COL12A1: variants seen among roughly 807,000 people sequenced by gnomAD.
COL12A1 encodes collagen type XII alpha 1 chain.
COL12A1 carries 114 observed loss-of-function variants against 349.7 expected under a neutral mutation model. The observed-to-expected ratio is 0.33, with a 90% confidence interval of 0.28 to 0.38. The LOEUF (loss-of-function observed/expected upper bound fraction) is 0.38. Ranked by LOEUF, COL12A1 falls within the 10% of genes least tolerant of loss-of-function variation. COL12A1 has a pLI of 1.00. For synonymous variants in COL12A1, 1,369 were observed against 1,329.0 expected (o/e 1.03, Z -0.66); for missense variants, 3,284 against 3,756.9 (o/e 0.87, Z 3.29).
chr6:75,124,416 A>C (rs1008937762), intron 40 of COL12A1, 45 bp from the exon 41 acceptor site: 2 of 1,412,520 alleles, frequency 1.4e-6, no homozygotes, highest in African/African-American at 1.4e-5. Flanking sequence ...AAATTGAGGC[A>C]AAAAGTGTAC....
intron 2 of COL12A1, among the ~76,000 whole-genome samples, chr6:75,197,764 TAAAG>T (rs1439004912): frequency 6.6e-6 from 1 of 152,214 alleles, no homozygotes; most frequent in East Asian, 1.9e-4. Flanking sequence ...ATACTGACAG[TAAAG>T]AGACTAAAAT....
chr6:75,109,194 A>G (rs1159928536), intron 51 of COL12A1, 27 bp from the exon 52 acceptor site: 3 of 1,515,434 alleles, frequency 2.0e-6, no homozygotes, highest in Non-Finnish European at 2.7e-6. Flanking sequence ...TTTCCATTAT[A>G]AAATTTCTAC....
chr6:75,133,227 T>G, intron 34 of COL12A1, 66 bp downstream of exon 34: 1 of 1,416,040 alleles, frequency 7.1e-7, no homozygotes. Context: ...TAATGGGCCT[T>G]TATGGTCTTT....
intron 36 of COL12A1, 41 bp from the exon 37 acceptor site, chr6:75,130,274 G>T: frequency 6.2e-7 from 1 of 1,600,860 alleles, no homozygotes; most frequent in South Asian, 1.1e-5. Flanking sequence ...GCCTGCCTGT[G>T]AGCATTACCT....
Position 75,085,204 on chromosome 6 carries a change from C to T in COL12A1, c.*1343G>A, listed in dbSNP as rs1391463653. The T allele has an allele frequency of 2.1e-6, 1 of 467,836 alleles. No homozygotes were observed. The highest frequency in any genetic ancestry group is 1.6e-5 in the South Asian group (1 of 64,446). 29.0% of individuals were successfully genotyped at this position (467,836 alleles called of 1,614,324 possible). A position where few individuals can be genotyped will look rare whatever the true frequency, so the allele number is the denominator to read the frequency against. ...TGATCTCTGGTTCACTGCCCGGGTC[C>T]GTGGGGCAGGGCGCGCCGCCAGCGC... On this transcript the variant is annotated 3_prime_UTR_variant, in exon 66 of 66. Transcript: ENST00000322507.
intron 46 of COL12A1, 65 bp from the exon 47 acceptor site, chr6:75,117,611 G>C: frequency 6.6e-7 from 1 of 1,522,814 alleles, no homozygotes; most frequent in Non-Finnish European, 8.9e-7. Context: ...TTAGAACAAT[G>C]CAAAAAAATT....
intron 44 of COL12A1, 47 bp from the exon 45 acceptor site, chr6:75,119,520 A>T: frequency 6.4e-7 from 1 of 1,558,040 alleles, no homozygotes; most frequent in Non-Finnish European, 8.7e-7. Flanking sequence ...ATCTCATTTT[A>T]TGTTTCAATC....
At chr6:75,163,490 C>A (rs1307747179) in intron 14 of COL12A1, among the ~76,000 whole-genome samples, 3 of 152,060 alleles carry the variant, frequency 2.0e-5, no homozygotes, top group Admixed American at 2.0e-4. Flanking sequence ...GGGAGGGGAA[C>A]CTCACACACC....
At chr6:75,196,678 G>A (rs1436519437) in intron 2 of COL12A1, among the ~76,000 whole-genome samples, 1 of 152,080 alleles carries the variant, frequency 6.6e-6, no homozygotes, top group African/African-American at 2.4e-5. Context: ...TAGGACAACG[G>A]GTATTAAGAA....
At chr6:75,117,706 T>A (rs1461998192) in intron 46 of COL12A1, 160 bp from the exon 47 acceptor site, 2 of 615,108 alleles carry the variant, frequency 3.3e-6, no homozygotes, top group Non-Finnish European at 5.3e-6. Flanking sequence ...AATACATACT[T>A]TTTCCAGGTC....
chr6:75,177,964 A>C, intron 11 of COL12A1, 29 bp from the exon 12 acceptor site: 1 of 1,569,416 alleles, frequency 6.4e-7, no homozygotes, highest in Non-Finnish European at 8.6e-7. Context: ...AATAGATTTT[A>C]AACCATAAAT....
In COL12A1 at chr6:75,130,861, CCTGGGCAGGG is replaced by C; in HGVS notation, c.6048_6057del (p.Ser2016ArgfsTer13). ...AGGATTTCTGCCTCACGCGTTCGGC[CCTGGGCAGGG>C]CTGGGATTTCCCTCTCCATCCGAGT... On this transcript the variant is annotated frameshift_variant, in exon 36 of 66. Coordinates refer to ENST00000322507, the MANE Select transcript of COL12A1 (RefSeq NM_004370.6). LOFTEE classifies it high-confidence loss of function. 1 of 1,614,018 alleles carries C rather than the reference CCTGGGCAGGG, an allele frequency of 6.2e-7. No homozygotes were observed. The highest frequency in any genetic ancestry group is 2.2e-5 in the East Asian group (1 of 44,864).
At chr6:75,163,065 C>T (rs796379920) in intron 14 of COL12A1, among the ~76,000 whole-genome samples, 1 of 152,072 alleles carries the variant, frequency 6.6e-6, no homozygotes, top group Admixed American at 6.6e-5. Flanking sequence ...CTGTTGGTAG[C>T]AGTGTAAATT....
At chr6:75,149,599 A>G (rs1211906019) in intron 21 of COL12A1, among the ~76,000 whole-genome samples, 2 of 152,110 alleles carry the variant, frequency 1.3e-5, no homozygotes, top group Non-Finnish European at 2.9e-5. Context: ...CTAACAGGAA[A>G]ATGGCCCAAA....
At chr6:75,104,475 T>C (rs1768448415) in intron 54 of COL12A1, among the ~76,000 whole-genome samples, 1 of 152,202 alleles carries the variant, frequency 6.6e-6, no homozygotes, top group Non-Finnish European at 1.5e-5. Flanking sequence ...ATAGTAAATT[T>C]TCATGTTCTG....
chr6:75,133,758 T>C, intron 33 of COL12A1, 100 bp downstream of exon 33: 3 of 1,350,574 alleles, frequency 2.2e-6, no homozygotes, highest in Non-Finnish European at 3.1e-6. Flanking sequence ...ATGAAATTCT[T>C]CAGCTCTAAA....
At position 75,191,696 on chromosome 6, in the gene COL12A1, C is replaced by T. The variant is rs528452863; in HGVS notation, c.394+5G>A. 3.1e-6 allele frequency: 5 copies of T among 1,591,950 alleles called. No homozygotes were observed. Among genetic ancestry groups the T allele is most frequent in the East Asian group, 2.3e-5 (1 of 43,448 alleles). On this transcript the variant is annotated splice_donor_5th_base_variant and intron_variant, in intron 5 of 65. Coordinates refer to ENST00000322507, the MANE Select transcript of COL12A1 (RefSeq NM_004370.6). ...CTAAGCAAAAATAGTAAGAGAAACA[C>T]TCACTTTGTATCTCGGTTTTTCCAG...
chr6:75,191,833 A>G, intron 4 of COL12A1, 73 bp from the exon 5 acceptor site: 2 of 946,632 alleles, frequency 2.1e-6, no homozygotes, highest in South Asian at 4.9e-5. Context: ...GAATAAATAT[A>G]TTATATTAGT....
chr6:75,146,143 A>G lies in COL12A1; in HGVS notation c.4519T>C (p.Tyr1507His). 6.2e-7 allele frequency: 1 copy of G among 1,612,812 alleles called. No homozygotes were observed. The highest frequency in any genetic ancestry group is 8.5e-7 in the Non-Finnish European group (1 of 1,179,490). ...VGGATGYILS[Y>H]KPVKDTEPTR... The stretch of plus-strand genomic sequence containing the variant: ...GGCTCTGTGTCCTTAACAGGTTTGT[A>G]TGACAAGATGTAGCCAGTAGCTCCT... Residue 1507 changes from tyrosine to histidine, a missense_variant, in exon 24 of 66, where the codon TAC becomes CAC. Physicochemically the swap from Tyr to His is moderately conservative, Grantham distance 83. Around this residue, in one of 2 missense-constraint regions of COL12A1, gnomAD observed 2,601 missense variants for 2,824.8 expected, o/e 0.92. Transcript: ENST00000322507.
Sources: gnomAD v4.1 joint callset for allele counts (sites outside exome capture counted in the v4.1 genomes callset) on GRCh38, gnomAD v4.1.1 for gene constraint, gnomAD v4.1.1 regional missense constraint, MANE v1.5 for transcripts, NCBI Gene and HGNC (gene_info 2026-07-23, HGNC 2026-07-21) for gene names.